ATF7IP2: variants seen among roughly 807,000 people sequenced by gnomAD.
ATF7IP2 encodes the protein activating transcription factor 7-interacting protein 2.
Under a neutral mutation model 64.2 loss-of-function variants are expected in ATF7IP2, and 42 were observed. The observed-to-expected ratio is 0.65, with a 90% confidence interval of 0.51 to 0.85. The LOEUF (loss-of-function observed/expected upper bound fraction) is 0.85, where lower values mean the gene tolerates loss of function less well. ATF7IP2 is among the 40% of genes least tolerant of loss of function. The probability of loss-of-function intolerance (pLI) is 0.00; values close to 1 mark genes in which losing one functional copy is unlikely to be tolerated. For synonymous variants in ATF7IP2, 308 were observed against 272.8 expected (o/e 1.13, Z -1.27); for missense variants, 933 against 784.2 (o/e 1.19, Z -2.27).
chr16:10,431,184 C>T lies in ATF7IP2; in HGVS notation c.564C>T (p.Thr188=), dbSNP rs202209292. The T allele has an allele frequency of 2.8e-5, 46 of 1,614,116 alleles. No individual in the cohort carries two copies. The Admixed American group carries it at 3.8e-4, about 13-fold the overall frequency. ...TGCCAGAGTCTACAGTAACCAGTAC[C>T]GTGGGTGACAAGAAAACTGACCAGA... ...VQMPESTVTS[T]VGDKKTDQMV... Residue 188 remains threonine, a synonymous_variant, in exon 5 of 14, where the codon ACC becomes ACT. Transcript: ENST00000562102.
rs769345893 is a variant in ATF7IP2, at chr16:10,433,554, G to T, written c.865G>T (p.Glu289Ter). 7 of 1,613,028 alleles carry T rather than the reference G, an allele frequency of 4.3e-6. No individual in the cohort carries two copies. Among genetic ancestry groups the T allele is most frequent in the Non-Finnish European group, 5.1e-6 (6 of 1,179,124 alleles). Residue 289 changes from glutamate (E) to a stop codon, truncating the protein, a stop_gained, in exon 6 of 14, where the codon GAA (glutamate) becomes TAA (stop). Transcript: ENST00000562102. LOFTEE classifies it high-confidence loss of function. Reference sequence around the variant, plus strand: ...TTATCAAAAGAAGAGGATGTTTTCAGAAAACGAGGAAAATGTTAAACGCAT... The same window carrying T: ...TTATCAAAAGAAGAGGATGTTTTCATAAAACGAGGAAAATGTTAAACGCAT... The part of the protein sequence containing the change: ...SHYQKKRMFS[E>*]NEENVKRMKT...
intron 1 of ATF7IP2, among the ~76,000 whole-genome samples, chr16:10,406,550 T>A (rs1488401199): frequency 1.3e-5 from 2 of 152,202 alleles, no homozygotes; most frequent in African/African-American, 2.4e-5. Flanking sequence ...TTAGTTTTTT[T>A]AAATATAAAG....
chr16:10,459,664 C>A (rs1474145360), intron 9 of ATF7IP2, among the ~76,000 whole-genome samples: 1 of 151,994 alleles, frequency 6.6e-6, no homozygotes, highest in African/African-American at 2.4e-5. Context: ...AAAATAAATA[C>A]ACTAATGTGA....
intron 9 of ATF7IP2, 166 bp downstream of exon 9, chr16:10,457,695 T>C: frequency 2.0e-6 from 1 of 509,498 alleles, no homozygotes; most frequent in Non-Finnish European, 3.1e-6. Flanking sequence ...GGGGGTTTTT[T>C]TTTGGTTTTT....
chr16:10,423,900 AT>A (rs2048034701), intron 3 of ATF7IP2, among the ~76,000 whole-genome samples: 1 of 152,134 alleles, frequency 6.6e-6, no homozygotes, highest in Non-Finnish European at 1.5e-5. Flanking sequence ...GCGTAGTTCC[AT>A]GTTCTCCAGT....
intron 1 of ATF7IP2, among the ~76,000 whole-genome samples, chr16:10,403,465 G>A (rs976815979): frequency 2.6e-5 from 4 of 152,110 alleles, no homozygotes; most frequent in Non-Finnish European, 5.9e-5. Context: ...AAAAACTCCT[G>A]TCCTAGTGAA....
At chr16:10,431,531 A>G in intron 5 of ATF7IP2, 76 bp downstream of exon 5, 3 of 982,344 alleles carry the variant, frequency 3.1e-6, no homozygotes, top group Non-Finnish European at 3.0e-6. Context: ...AGTCTCAAAT[A>G]TACAAACCAG....
intron 9 of ATF7IP2, among the ~76,000 whole-genome samples, chr16:10,471,508 A>T (rs1185844862): frequency 6.6e-6 from 1 of 152,118 alleles, no homozygotes; most frequent in African/African-American, 2.4e-5. Context: ...AGCCTGGGGG[A>T]CAAGAGCAAA....
At chr16:10,406,109 T>G (rs952281506) in intron 1 of ATF7IP2, among the ~76,000 whole-genome samples, 22 of 151,406 alleles carry the variant, frequency 1.5e-4, no homozygotes, top group African/African-American at 4.9e-4. Context: ...AAGAAAAGCT[T>G]CAAATAATTT....
intron 8 of ATF7IP2, among the ~76,000 whole-genome samples, chr16:10,442,209 G>C (rs1326823859): frequency 3.3e-5 from 5 of 152,192 alleles, no homozygotes; most frequent in Non-Finnish European, 2.9e-5. Flanking sequence ...AGGCAGGAAA[G>C]GTTACTTATA....
intron 6 of ATF7IP2, among the ~76,000 whole-genome samples, chr16:10,435,567 A>G (rs1040109399): frequency 1.3e-5 from 2 of 152,226 alleles, no homozygotes; most frequent in African/African-American, 4.8e-5. Flanking sequence ...TTACCATTAA[A>G]TTAGAACAAG....
At chr16:10,409,225 G>C (rs981905757) in intron 1 of ATF7IP2, among the ~76,000 whole-genome samples, 1 of 152,170 alleles carries the variant, frequency 6.6e-6, no homozygotes, top group Non-Finnish European at 1.5e-5. Context: ...GGTGGGACGT[G>C]TGGTTTCGAA....
At chr16:10,457,351 T>A (rs2049206884) in intron 8 of ATF7IP2, 21 bp from the exon 9 acceptor site, 2 of 1,580,778 alleles carry the variant, frequency 1.3e-6, no homozygotes, top group African/African-American at 1.4e-5. Context: ...TTCAACTGCT[T>A]TTTTCTCACC....
At chr16:10,434,141 A>G (rs2048344545) in intron 6 of ATF7IP2, among the ~76,000 whole-genome samples, 2 of 152,218 alleles carry the variant, frequency 1.3e-5, no homozygotes, top group Admixed American at 6.5e-5. Flanking sequence ...TTAAACGGAT[A>G]TGGTACATTA....
intron 9 of ATF7IP2, among the ~76,000 whole-genome samples, chr16:10,471,765 T>G (rs1177375526): frequency 3.3e-5 from 5 of 152,188 alleles, no homozygotes; most frequent in Non-Finnish European, 5.9e-5. Context: ...CATTACATGA[T>G]GTTTCATTTT....
At chr16:10,424,143 T>A (rs2048039660) in intron 3 of ATF7IP2, among the ~76,000 whole-genome samples, 1 of 152,260 alleles carries the variant, frequency 6.6e-6, no homozygotes, top group South Asian at 2.1e-4. Context: ...ATGCTATTGT[T>A]TGCAGTTCTG....
rs1472145122 is a variant in ATF7IP2 at position 10,428,958 on chromosome 16, C to CGA, written c.-69_-68insGA. 4.6e-5 allele frequency: 7 copies of CGA among 151,812 alleles called. No individual in the cohort carries two copies. The highest frequency in any genetic ancestry group is 2.0e-4 in the Admixed American group (3 of 15,210). The allele number at this position is 151,812 out of a possible 1,614,324, so 9.4% of individuals were successfully genotyped here. A position where few individuals can be genotyped will look rare whatever the true frequency, so the allele number is the denominator to read the frequency against. On this transcript the variant is annotated 5_prime_UTR_variant, in exon 4 of 14. Transcript: ENST00000562102. ...GTGCAATCACAGATCACGGCAGTGT[C>CGA]TAATTCCTGGGCTCAAGTGAACCTT...
At position 10,431,252 on chromosome 16, in the gene ATF7IP2, A is replaced by C. The variant is rs759265154; in HGVS notation, c.632A>C (p.Asp211Ala). ...ACAAACTCCAATTCAGAATCACATGATAAAAGGCAAAGTGACAACATTTTA... is the reference window on the plus strand; with the variant it reads ...ACAAACTCCAATTCAGAATCACATGCTAAAAGGCAAAGTGACAACATTTTA... ...LETNSNSESHDKRQSDNILCS... is the reference protein window; with the variant it reads ...LETNSNSESHAKRQSDNILCS... Residue 211 changes from aspartate to alanine, a missense_variant, in exon 5 of 14, where the codon GAT becomes GCT. Coordinates refer to ENST00000562102, the MANE Select transcript of ATF7IP2 (RefSeq NM_001393719.1). 9.3e-6 allele frequency: 15 copies of C among 1,614,214 alleles called. No homozygotes were observed. The highest frequency in any genetic ancestry group is 1.3e-5 in the Non-Finnish European group (15 of 1,180,026).
At chr16:10,439,428 G>A (rs1422250085) in intron 7 of ATF7IP2, among the ~76,000 whole-genome samples, 1 of 151,362 alleles carries the variant, frequency 6.6e-6, no homozygotes. Flanking sequence ...GTAGAGACGG[G>A]TTTCACTGTA....
Sources: gnomAD v4.1 joint callset for allele counts (sites outside exome capture counted in the v4.1 genomes callset) on GRCh38, gnomAD v4.1.1 for gene constraint, MANE v1.5 for transcripts, NCBI Gene and HGNC (gene_info 2026-07-23, HGNC 2026-07-21) for gene names.